TMEM45A: variants seen among roughly 807,000 people sequenced by gnomAD.
TMEM45A encodes the protein transmembrane protein 45A, also known as DNA polymerase-transactivated protein 4.
TMEM45A carries 25 observed loss-of-function variants against 32.0 expected under a neutral mutation model. The ratio of observed to expected loss-of-function variants is 0.78; its 90% CI spans 0.57 to 1.09. TMEM45A has a LOEUF of 1.09. Ranked by LOEUF, TMEM45A falls within the 50% of genes least tolerant of loss-of-function variation. TMEM45A has a pLI of 0.00. For missense variants in TMEM45A, 302 were observed against 325.0 expected (o/e 0.93, Z 0.54); for synonymous variants, 122 against 114.8 (o/e 1.06, Z -0.40).
At chr3:100,555,177 C>G (rs1706188616) in intron 1 of TMEM45A, 32 bp from the exon 2 acceptor site, 1 of 1,559,024 alleles carries the variant, frequency 6.4e-7, no homozygotes, top group Non-Finnish European at 8.7e-7. Flanking sequence ...AATGAAATGT[C>G]TTTTACTTTC....
At position 100,492,854 on chromosome 3, in the gene TMEM45A, A is replaced by G. The variant is rs1707866721; in HGVS notation, c.-78A>G. 6.6e-6 allele frequency: 1 copy of G among 151,928 alleles called. No homozygotes were observed. The highest frequency in any genetic ancestry group is 2.1e-4 in the South Asian group (1 of 4,818). The allele number at this position is 151,928 out of a possible 1,614,324, so 9.4% of individuals were successfully genotyped here. A position where few individuals can be genotyped will look rare whatever the true frequency, so the allele number is the denominator to read the frequency against. ...TCAAAAGAACAGAAACAGCAACAAC[A>G]AAAGCCCAGCCGCTGTCTGATTTTA... On this transcript the variant is annotated 5_prime_UTR_variant, in exon 1 of 6. Coordinates refer to ENST00000323523, the MANE Select transcript of TMEM45A (RefSeq NM_018004.3).
chr3:100,562,420 ACTCTGTTCAGTGGC>A (rs1414767392), intron 4 of TMEM45A, among the ~76,000 whole-genome samples: 1 of 152,134 alleles, frequency 6.6e-6, no homozygotes, highest in Non-Finnish European at 1.5e-5. Context: ...ACATCAGTTA[ACTCTGTTCAGTGGC>A]CTCAGTCAAA....
chr3:100,557,251 GT>G, intron 3 of TMEM45A, among the ~76,000 whole-genome samples: 2 of 152,266 alleles, frequency 1.3e-5, no homozygotes, highest in East Asian at 3.9e-4. Flanking sequence ...TCATCTCTGG[GT>G]TGTTCTGAAG....
chr3:100,555,380 A>G lies in TMEM45A; in HGVS notation c.169A>G (p.Ile57Val), dbSNP rs149968178. The stretch of plus-strand genomic sequence containing the variant: ...ATTGGAAATTTTGGAGGGAATTACA[A>G]TAGTTGGCATGGCTTTAACTGGTGA... ...YRLEILEGIT[I>V]VGMALTGMAG... The change falls in exon 2 of 6, where the codon ATA (isoleucine) becomes GTA (valine). Residue 57 changes from isoleucine to valine, a missense_variant. Physicochemically the swap from Ile to Val is conservative, Grantham distance 29. Coordinates refer to ENST00000323523, the MANE Select transcript of TMEM45A (RefSeq NM_018004.3). 5.8e-5 allele frequency: 93 copies of G among 1,613,894 alleles called. No individual in the cohort carries two copies. In the African/African-American group the frequency reaches 1.1e-3, roughly 19 times the overall value.
At chr3:100,495,802 A>G (rs1707915946) in intron 1 of TMEM45A, among the ~76,000 whole-genome samples, 1 of 152,120 alleles carries the variant, frequency 6.6e-6, no homozygotes, top group Non-Finnish European at 1.5e-5. Flanking sequence ...TGCTCAGGGC[A>G]GTTACCCAGG....
intron 1 of TMEM45A, among the ~76,000 whole-genome samples, chr3:100,510,159 G>C (rs1306363314): frequency 6.6e-6 from 1 of 152,190 alleles, no homozygotes; most frequent in Non-Finnish European, 1.5e-5. Flanking sequence ...CTCCACCTCT[G>C]GGGGCAGGGC....
chr3:100,495,907 G>A (rs1161945423), intron 1 of TMEM45A, among the ~76,000 whole-genome samples: 3 of 152,158 alleles, frequency 2.0e-5, no homozygotes, highest in South Asian at 2.1e-4. Flanking sequence ...AGTGTATGCC[G>A]AGTAGCTCTT....
chr3:100,557,170 G>C (rs1706238504), intron 3 of TMEM45A, among the ~76,000 whole-genome samples, 198 bp downstream of exon 3: 1 of 152,074 alleles, frequency 6.6e-6, no homozygotes, highest in African/African-American at 2.4e-5. Flanking sequence ...AGTAGAACTG[G>C]GTAAACACAA....
In TMEM45A at chr3:100,559,041, A is replaced by G. The variant is rs543292851; in HGVS notation, c.588+452A>G. ...TGGAATTCAGGCATTATCATCATCA[A>G]TTTACAGATAGGAAGACTCAGAGAG... On this transcript the variant is annotated intron_variant, in intron 4 of 5. Coordinates refer to ENST00000323523, the MANE Select transcript of TMEM45A (RefSeq NM_018004.3). Among the ~76,000 whole-genome samples the G allele has an allele frequency of 4.3e-4, 65 of 152,170 alleles. 1 individual carries two copies. The highest frequency in any genetic ancestry group is 1.2e-4 in the Non-Finnish European group (8 of 68,036).
At chr3:100,516,209 TC>T (rs1363297520) in intron 1 of TMEM45A, among the ~76,000 whole-genome samples, 1 of 152,200 alleles carries the variant, frequency 6.6e-6, no homozygotes, top group African/African-American at 2.4e-5. Context: ...ACTGCCATAC[TC>T]CTGGACATGA....
At chr3:100,513,712 T>C (rs1198685039) in intron 1 of TMEM45A, among the ~76,000 whole-genome samples, 1 of 152,066 alleles carries the variant, frequency 6.6e-6, no homozygotes, top group African/African-American at 2.4e-5. Context: ...GACATGATTG[T>C]ATATCTAGAA....
Position 100,544,097 on chromosome 3 carries a change from T to C in TMEM45A, c.-3-11112T>C, listed in dbSNP as rs111817872. Among the ~76,000 whole-genome samples the C allele has an allele frequency of 5.5e-3, 838 of 152,198 alleles. 9 individuals carry two copies. Among genetic ancestry groups the C allele is most frequent in the African/African-American group, 0.019 (805 of 41,510 alleles). ...TAAGTGGTTTTTTTTTTTGCTATTATACAAGGTAGATTTATTTTTTTTGCT... is the reference window on the plus strand; with the variant it reads ...TAAGTGGTTTTTTTTTTTGCTATTACACAAGGTAGATTTATTTTTTTTGCT... On this transcript the variant is annotated intron_variant, in intron 1 of 5. Coordinates refer to ENST00000323523, the MANE Select transcript of TMEM45A (RefSeq NM_018004.3).
chr3:100,523,097 G>A (rs2148949260), intron 1 of TMEM45A, among the ~76,000 whole-genome samples: 1 of 152,254 alleles, frequency 6.6e-6, no homozygotes, highest in East Asian at 1.9e-4. Flanking sequence ...CCATATTCTG[G>A]GGTTATTTCA....
At chr3:100,524,344 A>G (rs2148950717) in intron 1 of TMEM45A, among the ~76,000 whole-genome samples, 1 of 152,302 alleles carries the variant, frequency 6.6e-6, no homozygotes, top group South Asian at 2.1e-4. Context: ...TAATTAAATG[A>G]CATAATTTAT....
At chr3:100,533,154 C>G (rs534194484) in intron 1 of TMEM45A, among the ~76,000 whole-genome samples, 2 of 151,902 alleles carry the variant, frequency 1.3e-5, no homozygotes, top group South Asian at 2.1e-4. Context: ...ATGCAGTTGG[C>G]GAGGTCAACC....
chr3:100,555,156 C>G (rs1706187987), intron 1 of TMEM45A, 53 bp from the exon 2 acceptor site: 1 of 1,474,356 alleles, frequency 6.8e-7, no homozygotes, highest in African/African-American at 1.4e-5. Flanking sequence ...ATGTTTTGTC[C>G]AGATTCTGGC....
intron 5 of TMEM45A, among the ~76,000 whole-genome samples, chr3:100,576,428 G>A (rs939974598): frequency 5.9e-5 from 9 of 151,868 alleles, no homozygotes; most frequent in African/African-American, 2.2e-4. Context: ...CCAGCCTCCA[G>A]CCTGGATGAC....
chr3:100,541,418 T>A (rs1705872921), intron 1 of TMEM45A, among the ~76,000 whole-genome samples: 1 of 152,176 alleles, frequency 6.6e-6, no homozygotes. Flanking sequence ...ATGTCCAGAA[T>A]GGTGCTTCAT....
chr3:100,539,495 ACG>A lies in TMEM45A; in HGVS notation c.-3-15713_-3-15712del, dbSNP rs1559644618. ...TATGTATATGTATATGTATATGTAT[ACG>A]TATACGTATACGTATACGTATATGT... On this transcript the variant is annotated intron_variant, in intron 1 of 5. Coordinates refer to ENST00000323523, the MANE Select transcript of TMEM45A (RefSeq NM_018004.3). Among the ~76,000 whole-genome samples, 641 of 70,472 alleles carry A rather than the reference ACG, an allele frequency of 9.1e-3. 9 individuals carry two copies. Among genetic ancestry groups the A allele is most frequent in the African/African-American group, 0.039 (516 of 13,248 alleles). The allele number at this position is 70,472 out of a possible 152,430, so 46.2% of individuals were successfully genotyped here.
Sources: allele counts gnomAD v4.1 joint callset (sites outside exome capture counted in the v4.1 genomes callset), GRCh38; gene constraint gnomAD v4.1.1; transcripts MANE v1.5; gene names NCBI Gene and HGNC (gene_info 2026-07-23, HGNC 2026-07-21).